The following PKHD1L1 variants were observed in gnomAD, a reference collection of about 807,000 sequenced individuals.
PKHD1L1 encodes the protein PKHD1 like 1.
PKHD1L1 carries 434 observed loss-of-function variants against 462.9 expected under a neutral mutation model. The ratio of observed to expected loss-of-function variants is 0.94; its 90% CI spans 0.87 to 1.02. The LOEUF (loss-of-function observed/expected upper bound fraction) is 1.02, where lower values mean the gene tolerates loss of function less well. Among genes scored for constraint, PKHD1L1 ranks in the 50% least tolerant of loss-of-function variants. PKHD1L1 has a pLI of 0.00. For missense variants in PKHD1L1, 5,202 were observed against 5,096.1 expected (o/e 1.02, Z -0.63); for synonymous variants, 1,781 against 1,750.0 (o/e 1.02, Z -0.44).
At chr8:109,468,425 A>G (rs1817557265) in intron 50 of PKHD1L1, among the ~76,000 whole-genome samples, 1 of 152,214 alleles carries the variant, frequency 6.6e-6, no homozygotes, top group Non-Finnish European at 1.5e-5. Flanking sequence ...AACTGTGAAT[A>G]CCTAGAGGGC....
In PKHD1L1 at chr8:109,515,256, A is replaced by G. The variant is rs762627668; in HGVS notation, c.11640A>G (p.Ile3880Met). 1 of 1,603,884 alleles carries G rather than the reference A, an allele frequency of 6.2e-7. No individual in the cohort carries two copies. The highest frequency in any genetic ancestry group is 8.5e-7 in the Non-Finnish European group (1 of 1,173,788). The change falls in exon 72 of 78, where the codon ATA becomes ATG. Residue 3880 changes from isoleucine (I) to methionine (M), a missense_variant. Physicochemically the swap from Ile to Met is conservative, Grantham distance 10 (BLOSUM62 1). Around this residue, in one of 3 missense-constraint regions of PKHD1L1, gnomAD observed 698 missense variants for 736.3 expected, o/e 0.95. Transcript: ENST00000378402. ...NNLLVCPKTT[I>M]WNAQQKHCEL... The stretch of plus-strand genomic sequence containing the variant: ...TATTGGTCTGTCCAAAAACTACAAT[A>G]TGGAATGCCCAGCAGAAACACTGTG...
intron 2 of PKHD1L1, among the ~76,000 whole-genome samples, chr8:109,366,949 C>A (rs2130306416): frequency 6.6e-6 from 1 of 152,248 alleles, no homozygotes; most frequent in East Asian, 1.9e-4. Flanking sequence ...ACCTCAGCCT[C>A]CCAAAGTGCT....
rs373851029 is a variant in PKHD1L1, at chr8:109,459,855, G to A, written c.7246+19G>A. On this transcript the variant is annotated intron_variant, in intron 47 of 77. Transcript: ENST00000378402. ...GACACAGGTAATTTTAGCAGCTCTC[G>A]TGGTTGGTATAATCATGCCATATAG... is the stretch of plus-strand genomic sequence containing the variant. 50 of 1,600,354 alleles carry A rather than the reference G, an allele frequency of 3.1e-5. No individual in the cohort carries two copies. Among genetic ancestry groups the A allele is most frequent in the East Asian group, 1.8e-4 (8 of 44,590 alleles).
intron 59 of PKHD1L1, among the ~76,000 whole-genome samples, chr8:109,487,900 G>GGAAGGAAGGAAGGAAT (rs1563600412): frequency 2.9e-5 from 4 of 137,818 alleles, no homozygotes; most frequent in African/African-American, 1.1e-4. Flanking sequence ...GAGGAAGGAA[G>GGAAGGAAGGAAGGAAT]GAAGGAAGGA....
intron 53 of PKHD1L1, 137 bp from the exon 54 acceptor site, chr8:109,479,414 T>C: frequency 3.3e-6 from 2 of 611,630 alleles, no homozygotes; most frequent in South Asian, 4.1e-5. Flanking sequence ...CAAGGGTCTT[T>C]AAAAGGACAA....
rs139182889 is a variant in PKHD1L1 at position 109,366,565 on chromosome 8, T to C, written c.163+1929T>C. ...ATATAGTTAACAAGACTGCATTGTA[T>C]ACCTAAATGTTTGCGAAGAGGGAAA... On this transcript the variant is annotated intron_variant, in intron 2 of 77. Transcript: ENST00000378402. Among the ~76,000 whole-genome samples, 970 of 152,326 alleles carry C rather than the reference T, an allele frequency of 6.4e-3. 7 individuals carry two copies. Among genetic ancestry groups the C allele is most frequent in the Middle Eastern group, 0.051 (15 of 294 alleles).
At position 109,421,771 on chromosome 8, in the gene PKHD1L1, G is replaced by C. The variant is rs535126508; in HGVS notation, c.2697+1081G>C. Among the ~76,000 whole-genome samples, 3 of 151,646 alleles carry C rather than the reference G, an allele frequency of 2.0e-5. No homozygotes were observed. In the East Asian group the frequency reaches 5.8e-4, roughly 29 times the overall value. Reference sequence around the variant, plus strand: ...TGCACTTCAGCCTCGGCGACAGAGCGAGACTCTGTCTCAAAAAAAAGAAAA... The same window carrying C: ...TGCACTTCAGCCTCGGCGACAGAGCCAGACTCTGTCTCAAAAAAAAGAAAA... On this transcript the variant is annotated intron_variant, in intron 23 of 77. Transcript: ENST00000378402.
chr8:109,518,911 A>G (rs1586659500), intron 73 of PKHD1L1, among the ~76,000 whole-genome samples: 2 of 152,264 alleles, frequency 1.3e-5, no homozygotes, highest in African/African-American at 2.4e-5. Context: ...GAGAGGAAAC[A>G]GGTCCGATTG....
chr8:109,514,313 T>G (rs748313655), intron 71 of PKHD1L1, among the ~76,000 whole-genome samples: 3 of 152,186 alleles, frequency 2.0e-5, no homozygotes, highest in Non-Finnish European at 4.4e-5. Flanking sequence ...TTTTTTCTTT[T>G]CTCCACAGGA....
At chr8:109,464,133 A>T in intron 48 of PKHD1L1, 83 bp from the exon 49 acceptor site, 1 of 929,684 alleles carries the variant, frequency 1.1e-6, no homozygotes, top group Non-Finnish European at 1.4e-6. Flanking sequence ...TAATAATATA[A>T]AATTAGATAT....
Position 109,464,284 on chromosome 8 carries a change from A to G in PKHD1L1, c.7452A>G (p.Leu2484=). Residue 2484 remains leucine (L), a synonymous_variant, in exon 49 of 78, where the codon TTA becomes TTG. Transcript: ENST00000378402. ...TACATTGGCACCTGCTTGGAGACTTACAGTTTAAATCTTATGTAAGAGGCT... is the reference window on the plus strand; with the variant it reads ...TACATTGGCACCTGCTTGGAGACTTGCAGTTTAAATCTTATGTAAGAGGCT... ...YPIHWHLLGD[L]QFKSYVRGCA... 2 of 1,612,780 alleles carry G rather than the reference A, an allele frequency of 1.2e-6. No individual in the cohort carries two copies. Among genetic ancestry groups the G allele is most frequent in the East Asian group, 4.5e-5 (2 of 44,846 alleles).
intron 32 of PKHD1L1, among the ~76,000 whole-genome samples, chr8:109,440,275 GAAT>G (rs1462038675): frequency 1.3e-5 from 2 of 152,030 alleles, no homozygotes; most frequent in Non-Finnish European, 2.9e-5. Flanking sequence ...AACAAACGTG[GAAT>G]AATAACTTCA....
chr8:109,381,629 G>A, intron 3 of PKHD1L1, 115 bp downstream of exon 3: 1 of 800,574 alleles, frequency 1.2e-6, no homozygotes, highest in Non-Finnish European at 1.8e-6. Context: ...ATATTTTTCT[G>A]ATTATAGGTT....
chr8:109,532,824 T>C lies in PKHD1L1; in HGVS notation c.*2734T>C, dbSNP rs74907271. ...CTGTTTTTACCTTTTATCCATTTTA[T>C]CCCCAAAAGTGCTATTTAAAATATC... On this transcript the variant is annotated 3_prime_UTR_variant, in exon 78 of 78. Transcript: ENST00000378402. Among the ~76,000 whole-genome samples, 773 of 152,292 alleles carry C rather than the reference T, an allele frequency of 5.1e-3. 10 individuals are homozygous for C. Among genetic ancestry groups the C allele is most frequent in the African/African-American group, 0.017 (708 of 41,546 alleles).
At chr8:109,467,835 T>C (rs187043602) in intron 50 of PKHD1L1, among the ~76,000 whole-genome samples, 11 of 151,416 alleles carry the variant, frequency 7.3e-5, no homozygotes, top group Non-Finnish European at 1.2e-4. Flanking sequence ...TAAATCTAAA[T>C]GATGCAGCTT....
intron 20 of PKHD1L1, 86 bp downstream of exon 20, chr8:109,412,500 A>T: frequency 1.5e-6 from 2 of 1,355,298 alleles, no homozygotes; most frequent in Non-Finnish European, 2.0e-6. Flanking sequence ...AAGAAAAAAT[A>T]TTTGCCATAT....
chr8:109,371,871 T>G (rs1342186555), intron 2 of PKHD1L1, among the ~76,000 whole-genome samples: 1 of 152,178 alleles, frequency 6.6e-6, no homozygotes, highest in Non-Finnish European at 1.5e-5. Flanking sequence ...ATATCTCTGT[T>G]TTGGTACAAG....
rs1437566299 is a variant in PKHD1L1 at position 109,443,608 on chromosome 8, G to A, written c.4565-68G>A. The A allele has an allele frequency of 8.4e-6, 10 of 1,187,666 alleles. No homozygotes were observed. In the African/African-American group the frequency reaches 1.1e-4, roughly 13 times the overall value. The allele number at this position is 1,187,666 out of a possible 1,614,324, so 73.6% of individuals were successfully genotyped here. ...CATCATCATCAAAATAAAGAGTAAC[G>A]CAGTTTGAAAACAGTTATCATTTTG... On this transcript the variant is annotated intron_variant, in intron 36 of 77. Coordinates refer to ENST00000378402, the MANE Select transcript of PKHD1L1 (RefSeq NM_177531.6).
chr8:109,409,954 A>G lies in PKHD1L1; in HGVS notation c.2061A>G (p.Arg687=). 6.3e-7 allele frequency: 1 copy of G among 1,591,748 alleles called. No individual in the cohort carries two copies. Among genetic ancestry groups the G allele is most frequent in the Non-Finnish European group, 8.6e-7 (1 of 1,166,884 alleles). ...AAGGATTTGTTGTGAAATATTTCAG[A>G]GACTATGAAACTGATTTTAATCTGG... The part of the protein sequence containing the change: ...FEEGFVVKYF[R]DYETDFNLEH... Residue 687 remains arginine (R), a synonymous_variant, in exon 19 of 78, where the codon AGA becomes AGG. Coordinates refer to ENST00000378402, the MANE Select transcript of PKHD1L1 (RefSeq NM_177531.6).
Sources: gnomAD v4.1 joint callset for allele counts (sites outside exome capture counted in the v4.1 genomes callset) on GRCh38, gnomAD v4.1.1 for gene constraint, gnomAD v4.1.1 regional missense constraint, MANE v1.5 for transcripts, NCBI Gene and HGNC (gene_info 2026-07-23, HGNC 2026-07-21) for gene names.